Variants in TSPAN5 observed in about 807,000 individuals in gnomAD.
TSPAN5 encodes tetraspanin 5.
Under a neutral mutation model 37.1 loss-of-function variants are expected in TSPAN5, and 10 were observed. The ratio of observed to expected loss-of-function variants is 0.27; its 90% CI spans 0.17 to 0.46. The LOEUF is 0.46. Ranked by LOEUF, TSPAN5 falls within the 20% of genes least tolerant of loss-of-function variation. TSPAN5 has a pLI of 1.00. For synonymous variants in TSPAN5, 110 were observed against 118.9 expected, an observed-to-expected ratio of 0.93 and a Z score of 0.48; for missense variants, 195 against 326.6, an observed-to-expected ratio of 0.60 and a Z score of 3.11.
chr4:98,633,564 A>G (rs996393185), intron 1 of TSPAN5, among the ~76,000 whole-genome samples: 6 of 152,174 alleles, frequency 3.9e-5, no homozygotes, highest in Non-Finnish European at 7.3e-5. Flanking sequence ...CATCACTTCG[A>G]TGAACAATTT....
chr4:98,582,594 A>G (rs1193821050), intron 1 of TSPAN5, among the ~76,000 whole-genome samples: 2 of 152,232 alleles, frequency 1.3e-5, no homozygotes, highest in Admixed American at 1.3e-4. Flanking sequence ...TCTAAACACT[A>G]GACTTCAAGT....
intron 7 of TSPAN5, among the ~76,000 whole-genome samples, chr4:98,474,422 C>G (rs1358824026): frequency 6.6e-6 from 1 of 152,110 alleles, no homozygotes; most frequent in Non-Finnish European, 1.5e-5. Context: ...GGCATGATCT[C>G]AGCTCACTGC....
chr4:98,552,997 A>C (rs1754657860), intron 1 of TSPAN5, among the ~76,000 whole-genome samples: 1 of 152,320 alleles, frequency 6.6e-6, no homozygotes, highest in African/African-American at 2.4e-5. Flanking sequence ...TGTAACATGA[A>C]AGTTTTGAAA....
intron 1 of TSPAN5, among the ~76,000 whole-genome samples, chr4:98,592,936 C>A (rs1169581403): frequency 7.3e-6 from 1 of 137,108 alleles, no homozygotes; most frequent in Non-Finnish European, 1.6e-5. Flanking sequence ...GATTTATACT[C>A]ATTTGGGTAT....
At position 98,658,302 on chromosome 4, in the gene TSPAN5, G is replaced by T; in HGVS notation, c.-76C>A. 1 of 1,270,530 alleles carries T rather than the reference G, an allele frequency of 7.9e-7. No individual in the cohort carries two copies. The highest frequency in any genetic ancestry group is 1.2e-6 in the Non-Finnish European group (1 of 868,424). 78.7% of individuals were successfully genotyped at this position (1,270,530 alleles called of 1,614,324 possible). A position where few individuals can be genotyped will look rare whatever the true frequency, so the allele number is the denominator to read the frequency against. The stretch of plus-strand genomic sequence containing the variant: ...GAAGCACCGTTGCTCGGAGCAGCCC[G>T]GCGGGGAGCAGGAGCTCAGGGACAC... On this transcript the variant is annotated 5_prime_UTR_variant, in exon 1 of 8. Transcript: ENST00000305798.
rs555691746 is a variant in TSPAN5, at chr4:98,649,161, T to A, written c.81+8985A>T. On this transcript the variant is annotated intron_variant, in intron 1 of 7. Transcript: ENST00000305798. ...ACTGGTTCTTTTCTTTCTTAAGTGG[T>A]GGGACCCCTTTTTTCAAGCAAAATC... Among the ~76,000 whole-genome samples the A allele has an allele frequency of 1.6e-4, 24 of 152,322 alleles. 1 individual carries two copies. In the East Asian group the frequency reaches 4.6e-3, roughly 29 times the overall value.
Position 98,545,182 on chromosome 4 carries a change from C to T in TSPAN5, c.82-37454G>A, listed in dbSNP as rs577983799. On this transcript the variant is annotated intron_variant, in intron 1 of 7. Transcript: ENST00000305798. ...AGGGTTTTTCTTCCTGCTAGTGAAA[C>T]AGAAACCTAGAGCAGCTGGTGGCTG... Among the ~76,000 whole-genome samples, 8 of 152,324 alleles carry T rather than the reference C, an allele frequency of 5.3e-5. No homozygotes were observed. In the South Asian group the frequency reaches 1.7e-3, roughly 32 times the overall value.
At chr4:98,476,388 A>C (rs895794146) in intron 6 of TSPAN5, 25 bp downstream of exon 6, 3 of 1,614,208 alleles carry the variant, frequency 1.9e-6, no homozygotes, top group Admixed American at 3.3e-5. Context: ...CTTCGTGCTA[A>C]GCAACAACAT....
At chr4:98,482,302 T>A (rs1752857661) in intron 3 of TSPAN5, 127 bp from the exon 4 acceptor site, 1 of 758,566 alleles carries the variant, frequency 1.3e-6, no homozygotes, top group Non-Finnish European at 2.0e-6. Flanking sequence ...AAGCAGATAA[T>A]CTTCAGTTTC....
intron 1 of TSPAN5, among the ~76,000 whole-genome samples, chr4:98,603,318 G>A (rs772517093): frequency 6.6e-6 from 1 of 152,142 alleles, no homozygotes; most frequent in Non-Finnish European, 1.5e-5. Context: ...CTTTGCTGAG[G>A]AACATCTCCC....
At chr4:98,535,331 C>T (rs562446174) in intron 1 of TSPAN5, among the ~76,000 whole-genome samples, 5 of 152,226 alleles carry the variant, frequency 3.3e-5, no homozygotes, top group Admixed American at 6.5e-5. Flanking sequence ...GTTGAAAATT[C>T]TTTTCTTTAA....
intron 1 of TSPAN5, among the ~76,000 whole-genome samples, chr4:98,585,062 C>G (rs1755454147): frequency 6.6e-6 from 1 of 152,190 alleles, no homozygotes; most frequent in African/African-American, 2.4e-5. Flanking sequence ...AGTGACTTAT[C>G]TGTGTCAGGA....
chr4:98,539,256 A>T (rs116604650), intron 1 of TSPAN5, among the ~76,000 whole-genome samples: 2,361 of 152,314 alleles, frequency 0.016, 69 homozygotes, highest in African/African-American at 0.054. Flanking sequence ...ATCATTTACA[A>T]ATCTCTGTTT....
At chr4:98,609,719 C>T (rs183648512) in intron 1 of TSPAN5, among the ~76,000 whole-genome samples, 15 of 152,248 alleles carry the variant, frequency 9.9e-5, no homozygotes, top group Non-Finnish European at 5.9e-5. Flanking sequence ...GGGGTAATGT[C>T]CCAAACTCCT....
intron 1 of TSPAN5, among the ~76,000 whole-genome samples, chr4:98,652,407 C>G (rs1406952654): frequency 6.6e-6 from 1 of 152,194 alleles, no homozygotes; most frequent in Non-Finnish European, 1.5e-5. Flanking sequence ...CCACCATATT[C>G]TTGAAGAACA....
At chr4:98,516,559 A>T (rs1028746648) in intron 1 of TSPAN5, among the ~76,000 whole-genome samples, 4 of 152,204 alleles carry the variant, frequency 2.6e-5, no homozygotes, top group African/African-American at 4.8e-5. Context: ...GCATTCTGTT[A>T]CATGCAGCCA....
At chr4:98,565,825 C>A (rs144904567) in intron 1 of TSPAN5, among the ~76,000 whole-genome samples, 2 of 152,158 alleles carry the variant, frequency 1.3e-5, no homozygotes, top group African/African-American at 4.8e-5. Flanking sequence ...CACCTGCATG[C>A]CCCATTCAGA....
intron 1 of TSPAN5, among the ~76,000 whole-genome samples, chr4:98,562,615 C>T (rs191034816): frequency 6.6e-6 from 1 of 151,986 alleles, no homozygotes; most frequent in Non-Finnish European, 1.5e-5. Context: ...GAGCCGAGAT[C>T]GCGCCACTGC....
intron 1 of TSPAN5, among the ~76,000 whole-genome samples, chr4:98,556,232 T>C (rs1754747521): frequency 6.6e-6 from 1 of 152,130 alleles, no homozygotes; most frequent in Non-Finnish European, 1.5e-5. Context: ...GATACACAGA[T>C]GATTGTTATA....
Sources: gnomAD v4.1 joint callset for allele counts (sites outside exome capture counted in the v4.1 genomes callset) on GRCh38, gnomAD v4.1.1 for gene constraint, MANE v1.5 for transcripts, NCBI Gene and HGNC (gene_info 2026-07-23, HGNC 2026-07-21) for gene names.